Variants in MYO18B observed in about 807,000 individuals in gnomAD.
The protein encoded by MYO18B is unconventional myosin-XVIIIb.
MYO18B carries 204 observed loss-of-function variants against 273.0 expected under a neutral mutation model. The ratio of observed to expected loss-of-function variants is 0.75; its 90% CI spans 0.67 to 0.84. MYO18B has a LOEUF of 0.84. MYO18B is among the 40% of genes least tolerant of loss of function. The pLI, the probability that MYO18B is intolerant of heterozygous loss-of-function variation, is 0.00. For missense variants in MYO18B, 3,212 were observed against 3,287.6 expected, an observed-to-expected ratio of 0.98 and a Z score of 0.56; for synonymous variants, 1,330 against 1,305.7, an observed-to-expected ratio of 1.02 and a Z score of -0.40.
intron 39 of MYO18B, among the ~76,000 whole-genome samples, chr22:25,955,934 A>G (rs904955336): frequency 2.0e-5 from 3 of 152,206 alleles, no homozygotes; most frequent in Non-Finnish European, 4.4e-5. Context: ...TCAAGCCACC[A>G]TGTGTGAAGT....
chr22:25,962,584 A>T (rs1366850466), intron 39 of MYO18B, among the ~76,000 whole-genome samples: 2 of 152,226 alleles, frequency 1.3e-5, no homozygotes, highest in African/African-American at 2.4e-5. Flanking sequence ...ACATGGATGG[A>T]CTAGGGACTG....
intron 22 of MYO18B, among the ~76,000 whole-genome samples, 184 bp downstream of exon 22, chr22:25,868,569 A>G (rs1027145326): frequency 5.3e-5 from 8 of 152,192 alleles, no homozygotes; most frequent in Admixed American, 3.9e-4. Flanking sequence ...ATGTCATAAT[A>G]TGAGTTGAAA....
At chr22:25,900,473 C>T (rs572884017) in intron 29 of MYO18B, 2 of 152,404 alleles carry the variant, frequency 1.3e-5, no homozygotes, top group Admixed American at 1.3e-4. Context: ...CTCTGTTTCC[C>T]GCTTTGGCTT....
At chr22:25,997,958 A>ACACAAAC (rs1569278959) in intron 40 of MYO18B, among the ~76,000 whole-genome samples, 3 of 105,802 alleles carry the variant, frequency 2.8e-5, no homozygotes, top group African/African-American at 1.2e-4. Flanking sequence ...CACACACACA[A>ACACAAAC]ACACACACAC....
chr22:25,753,209 G>C (rs1373408851), intron 1 of MYO18B, among the ~76,000 whole-genome samples: 1 of 146,592 alleles, frequency 6.8e-6, no homozygotes, highest in African/African-American at 2.6e-5. Context: ...GGCGACCCCA[G>C]CTGGCCTCCC....
chr22:26,041,185 A>G, the MYO18B span, among the ~76,000 whole-genome samples: 2 of 151,756 alleles, frequency 1.3e-5, no homozygotes, highest in Non-Finnish European at 2.9e-5. Flanking sequence ...CATTAGTGTT[A>G]GGGTATTTTA....
At chr22:25,806,991 C>T (rs550857165) in intron 12 of MYO18B, among the ~76,000 whole-genome samples, 4 of 152,324 alleles carry the variant, frequency 2.6e-5, no homozygotes, top group East Asian at 3.9e-4. Flanking sequence ...TTGGCACATA[C>T]GAGGTATTCA....
rs1384204537 is a variant in MYO18B, at chr22:25,891,336, A to G, written c.4467A>G (p.Gly1489=). The change falls in exon 27 of 44, where the codon GGA becomes GGG. Residue 1489 remains glycine, a synonymous_variant. Coordinates refer to ENST00000335473, the MANE Select transcript of MYO18B (RefSeq NM_032608.7). ...SKHEQVQKKL[G]DVNKQLEEAQ... Reference sequence around the variant, plus strand: ...ATGAACAAGTCCAGAAAAAACTGGGAGATGTGAATAAACAGTTGGAAGAAG... The same window carrying G: ...ATGAACAAGTCCAGAAAAAACTGGGGGATGTGAATAAACAGTTGGAAGAAG... 1 of 1,580,738 alleles carries G rather than the reference A, an allele frequency of 6.3e-7. No homozygotes were observed. Among genetic ancestry groups the G allele is most frequent in the South Asian group, 1.2e-5 (1 of 85,730 alleles).
In MYO18B at chr22:25,890,761, T is replaced by G; in HGVS notation, c.4320T>G (p.Ala1440=). The G allele has an allele frequency of 1.9e-6, 3 of 1,613,932 alleles. No individual in the cohort carries two copies. Among genetic ancestry groups the G allele is most frequent in the Non-Finnish European group, 2.5e-6 (3 of 1,179,864 alleles). The stretch of plus-strand genomic sequence containing the variant: ...CACCCCATTCCCCATCTCAGATTGC[T>G]GACTTGACCTCTGACCTTGCCGATG... ...QNTDLLESKI[A]DLTSDLADER... is the part of the protein sequence containing the mutation. Residue 1440 remains alanine (A), a synonymous_variant, in exon 26 of 44, where the codon GCT becomes GCG. Transcript: ENST00000335473.
chr22:26,040,590 C>T, the MYO18B span, among the ~76,000 whole-genome samples: 94 of 152,204 alleles, frequency 6.2e-4, 1 homozygote, highest in African/African-American at 1.8e-3. Context: ...AGTGGTGCAG[C>T]GAGCATTTTA....
chr22:25,955,300 T>C lies in MYO18B; in HGVS notation c.6092T>C (p.Leu2031Pro), dbSNP rs1397594273. The change falls in exon 39 of 44, where the codon CTG (leucine) becomes CCG (proline). Residue 2031 changes from leucine to proline, a missense_variant. Physicochemically the swap from Leu to Pro is moderately conservative, Grantham distance 98 (BLOSUM62 -3). Coordinates refer to ENST00000335473, the MANE Select transcript of MYO18B (RefSeq NM_032608.7). Reference protein sequence around the residue: ...SQYYQRRLEELKADMEELVQR... With the variant: ...SQYYQRRLEEPKADMEELVQR... ...TACTACCAGCGGCGCCTGGAAGAGC[T>C]GAAGGCCGACATGGAAGAGCTGGTG... The C allele has an allele frequency of 1.2e-6, 2 of 1,613,580 alleles. No individual in the cohort carries two copies. The highest frequency in any genetic ancestry group is 1.7e-6 in the Non-Finnish European group (2 of 1,179,816).
chr22:25,960,512 G>A (rs1291865506), intron 39 of MYO18B, among the ~76,000 whole-genome samples: 5 of 152,144 alleles, frequency 3.3e-5, no homozygotes, highest in African/African-American at 4.8e-5. Context: ...TGATCCAGGT[G>A]TCCTTTTCAC....
At chr22:25,868,034 C>T (rs1323301234) in intron 21 of MYO18B, among the ~76,000 whole-genome samples, 1 of 152,184 alleles carries the variant, frequency 6.6e-6, no homozygotes, top group Non-Finnish European at 1.5e-5. Flanking sequence ...GTACTGATTT[C>T]CCTAACAGCT....
intron 39 of MYO18B, among the ~76,000 whole-genome samples, chr22:25,989,635 A>AG (rs2093240929): frequency 1.3e-5 from 1 of 79,204 alleles, no homozygotes; most frequent in East Asian, 3.1e-4. Context: ...ACAAAAAAAA[A>AG]AAAAAAAAAA....
rs1569148295 is a variant in MYO18B at position 25,883,002 on chromosome 22, ACCT to A, written c.4314+4958_4314+4960del. 6.6e-6 allele frequency among the ~76,000 whole-genome samples: 1 copy of A among 151,862 alleles called. No individual in the cohort carries two copies. Among genetic ancestry groups the A allele is most frequent in the East Asian group, 1.9e-4 (1 of 5,180 alleles). On this transcript the variant is annotated intron_variant, in intron 25 of 43. Transcript: ENST00000335473. The surrounding 1 kb of genome is among the most constrained non-coding windows in gnomAD (Gnocchi z 7.6). ...GCCTCAACCTCCTGGGCTAAAGCGA[ACCT>A]CCTACTTCAGCCTCCCATGTAGCCA...
At chr22:25,855,253 A>G (rs193180982) in intron 21 of MYO18B, among the ~76,000 whole-genome samples, 1,817 of 146,862 alleles carry the variant, frequency 0.012, 10 homozygotes, top group Middle Eastern at 0.032. Context: ...CTCCAGCTCC[A>G]TTCATGTTTC....
chr22:25,751,132 C>G (rs1040112319), intron 1 of MYO18B, among the ~76,000 whole-genome samples: 4 of 152,208 alleles, frequency 2.6e-5, no homozygotes, highest in Non-Finnish European at 5.9e-5. Flanking sequence ...CTACTTAAGT[C>G]CTCAGTATTG....
At chr22:25,899,144 A>G (rs1458895017) in intron 29 of MYO18B, 1 of 152,224 alleles carries the variant, frequency 6.6e-6, no homozygotes, top group East Asian at 1.9e-4. Flanking sequence ...TGGTTCCCAT[A>G]TTTGCATTCC....
chr22:25,814,303 T>TC (rs2088904084), intron 12 of MYO18B, among the ~76,000 whole-genome samples: 1 of 13,988 alleles, frequency 7.1e-5, no homozygotes, highest in Non-Finnish European at 1.3e-4. Flanking sequence ...TCTTTTTTTT[T>TC]TTTTTTTTTT....
Sources: gnomAD v4.1 joint callset for allele counts (sites outside exome capture counted in the v4.1 genomes callset) on GRCh38, gnomAD v4.1.1 for gene constraint, Gnocchi (gnomAD v3.1) non-coding constraint, MANE v1.5 for transcripts, NCBI Gene and HGNC (gene_info 2026-07-23, HGNC 2026-07-21) for gene names.